The following OTC variants were observed in gnomAD, a reference collection of about 807,000 sequenced individuals.
OTC encodes the protein ornithine transcarbamylase, mitochondrial.
A neutral mutation model predicts 30.3 loss-of-function variants in OTC; 3 were observed. The observed-to-expected ratio is 0.10, with a 90% confidence interval of 0.05 to 0.26. The LOEUF (loss-of-function observed/expected upper bound fraction) is 0.26. Among genes scored for constraint, OTC ranks in the 10% least tolerant of loss-of-function variants. OTC has a pLI of 1.00. For missense variants in OTC, 194 were observed against 260.3 expected, an observed-to-expected ratio of 0.75 and a Z score of 1.75; for synonymous variants, 111 against 99.7, an observed-to-expected ratio of 1.11 and a Z score of -0.67.
Position 38,373,123 on chromosome X carries a change from T to A in OTC, c.298+3246T>A, listed in dbSNP as rs542085524. Among the ~76,000 whole-genome samples, 5 of 112,208 alleles carry A rather than the reference T, an allele frequency of 4.5e-5. No individual in the cohort carries two copies. The South Asian group carries it at 1.8e-3, about 41-fold the overall frequency. ...ATGAATTCTTACAGTGAGCAAACCA[T>A]TGTAACTAACACCCAGATAGAGAAA... On this transcript the variant is annotated intron_variant, in intron 3 of 9. Coordinates refer to ENST00000039007, the MANE Select transcript of OTC (RefSeq NM_000531.6).
At chrX:38,372,379 G>T (rs1221261295) in intron 3 of OTC, among the ~76,000 whole-genome samples, 2 of 111,527 alleles carry the variant, frequency 1.8e-5, no homozygotes, top group African/African-American at 6.5e-5. Flanking sequence ...GCAGACCCAG[G>T]ATTGGAAGCT....
At chrX:38,332,503 T>TA in the OTC span, among the ~76,000 whole-genome samples, 688 of 63,274 alleles carry the variant, frequency 0.011, 18 homozygotes, top group African/African-American at 0.05. Context: ...AGCCCTAGAT[T>TA]TTATATATAT....
chrX:38,340,849 T>C, the OTC span, among the ~76,000 whole-genome samples: 3 of 109,700 alleles, frequency 2.7e-5, no homozygotes, highest in Non-Finnish European at 5.7e-5. Context: ...CAAGCTAGAG[T>C]ACAGTGGCAC....
chrX:38,403,574 G>A (rs759381150), intron 5 of OTC, 44 bp from the exon 6 acceptor site: 3 of 1,193,753 alleles, frequency 2.5e-6, no homozygotes, highest in South Asian at 3.5e-5. Context: ...ACACATAAGC[G>A]AATTTACGCC....
intron 4 of OTC, among the ~76,000 whole-genome samples, chrX:38,396,845 C>A (rs756960355): frequency 8.9e-6 from 1 of 111,776 alleles, no homozygotes; most frequent in Admixed American, 9.5e-5. Flanking sequence ...TGGTTATTAT[C>A]GTTTTCCTCA....
At chrX:38,418,956 G>A (rs1218951296) in intron 9 of OTC, among the ~76,000 whole-genome samples, 1 of 111,995 alleles carries the variant, frequency 8.9e-6, no homozygotes, top group Admixed American at 9.5e-5. Context: ...TCTTTTAGTA[G>A]TGTTACAGCT....
chrX:38,359,420 C>CTT (rs762895585), intron 1 of OTC, among the ~76,000 whole-genome samples: 10 of 102,225 alleles, frequency 9.8e-5, no homozygotes, highest in African/African-American at 3.5e-4. Flanking sequence ...TAAATTTTGT[C>CTT]TTTTTTTTTT....
At chrX:38,331,296 C>T in the OTC span, among the ~76,000 whole-genome samples, 4 of 108,419 alleles carry the variant, frequency 3.7e-5, no homozygotes, top group Non-Finnish European at 7.7e-5. Context: ...CTCTGTTGCC[C>T]AGGCTGGAGT....
Position 38,421,030 on chromosome X carries a change from T to C in OTC, c.1013T>C (p.Met338Thr). ...ENRKWTIMAV[M>T]VSLLTDYSPQ... is the part of the protein sequence containing the mutation. The stretch of plus-strand genomic sequence containing the variant: ...TCTTTGTTGTGTCATCAGGCTGTCA[T>C]GGTGTCCCTGCTGACAGATTACTCA... Residue 338 changes from methionine to threonine, a missense_variant, in exon 10 of 10, where the codon ATG (methionine) becomes ACG (threonine). Coordinates refer to ENST00000039007, the MANE Select transcript of OTC (RefSeq NM_000531.6). The C allele has an allele frequency of 8.3e-7, 1 of 1,198,531 alleles. No individual in the cohort carries two copies. The highest frequency in any genetic ancestry group is 1.1e-6 in the Non-Finnish European group (1 of 883,555).
chrX:38,400,883 A>C (rs1321492631), intron 4 of OTC, among the ~76,000 whole-genome samples: 1 of 112,711 alleles, frequency 8.9e-6, no homozygotes, highest in Non-Finnish European at 1.9e-5. Flanking sequence ...TCCACAGTGA[A>C]AATGTATCTT....
At chrX:38,409,074 C>T in intron 8 of OTC, 49 bp downstream of exon 8, 1 of 1,133,616 alleles carries the variant, frequency 8.8e-7, no homozygotes, top group Non-Finnish European at 1.2e-6. Flanking sequence ...TTCATGAAGG[C>T]CAGAACCATC....
intron 1 of OTC, among the ~76,000 whole-genome samples, chrX:38,358,067 A>G (rs1331306982): frequency 9.0e-6 from 1 of 111,465 alleles, no homozygotes; most frequent in African/African-American, 3.3e-5. Flanking sequence ...CTTTGGTACA[A>G]GAAAAGCAAG....
the OTC span, among the ~76,000 whole-genome samples, chrX:38,334,706 A>G: frequency 8.9e-6 from 1 of 112,379 alleles, no homozygotes; most frequent in Non-Finnish European, 1.9e-5. Context: ...AACATAATTA[A>G]AAGTTATATT....
At chrX:38,356,321 A>C (rs993976404) in intron 1 of OTC, among the ~76,000 whole-genome samples, 4 of 111,784 alleles carry the variant, frequency 3.6e-5, no homozygotes, top group Non-Finnish European at 7.5e-5. Flanking sequence ...CAATTTTAGA[A>C]TATTAATGAT....
chrX:38,410,289 T>C (rs1167406126), intron 8 of OTC, among the ~76,000 whole-genome samples: 4 of 111,859 alleles, frequency 3.6e-5, no homozygotes, highest in Admixed American at 1.9e-4. Flanking sequence ...AATAAGATCC[T>C]GAGGAGAGGA....
chrX:38,406,550 GT>G, intron 6 of OTC, among the ~76,000 whole-genome samples: 1 of 111,562 alleles, frequency 9.0e-6, no homozygotes, highest in East Asian at 2.8e-4. Context: ...TGCATGCAAG[GT>G]TGGGTGATTT....
rs2147349912 is a variant in OTC, at chrX:38,421,017, C to T, written c.1006-6C>T. 1 of 1,191,037 alleles carries T rather than the reference C, an allele frequency of 8.4e-7. No homozygotes were observed. The highest frequency in any genetic ancestry group is 1.1e-6 in the Non-Finnish European group (1 of 877,098). On this transcript the variant is annotated splice_region_variant and splice_polypyrimidine_tract_variant and intron_variant, in intron 9 of 9. Transcript: ENST00000039007. ...CCATTTCTTTCTTTCTTTGTTGTGT[C>T]ATCAGGCTGTCATGGTGTCCCTGCT...
chrX:38,369,975 C>T, intron 3 of OTC, 98 bp downstream of exon 3: 2 of 537,528 alleles, frequency 3.7e-6, no homozygotes, highest in Non-Finnish European at 6.5e-6. Context: ...CTGCCTCTAG[C>T]AACCACAAAG....
chrX:38,406,738 CACA>C (rs1349619363), intron 6 of OTC, among the ~76,000 whole-genome samples: 1 of 111,912 alleles, frequency 8.9e-6, no homozygotes. Flanking sequence ...TATGGCTGTT[CACA>C]ACATTAGTTG....
Sources: gnomAD v4.1 joint callset for allele counts (sites outside exome capture counted in the v4.1 genomes callset) on GRCh38, gnomAD v4.1.1 for gene constraint, MANE v1.5 for transcripts, NCBI Gene and HGNC (gene_info 2026-07-23, HGNC 2026-07-21) for gene names.